Variants in ARHGAP12 observed in about 807,000 individuals in gnomAD.
ARHGAP12 encodes the protein Rho GTPase activating protein 12, also known as rho GTPase-activating protein 12.
A neutral mutation model predicts 108.6 loss-of-function variants in ARHGAP12; 64 were observed. That is an observed-to-expected ratio of 0.59 (90% CI 0.48 to 0.73). The LOEUF is 0.73. ARHGAP12 is among the 30% of genes least tolerant of loss of function. ARHGAP12 has a pLI of 0.00. For synonymous variants in ARHGAP12, 312 were observed against 337.2 expected, an observed-to-expected ratio of 0.93 and a Z score of 0.82; for missense variants, 940 against 1,005.9, an observed-to-expected ratio of 0.93 and a Z score of 0.89.
chr10:31,841,915 G>A (rs1399580752), intron 7 of ARHGAP12, among the ~76,000 whole-genome samples: 2 of 151,976 alleles, frequency 1.3e-5, no homozygotes, highest in African/African-American at 4.8e-5. Flanking sequence ...AGAAACTTAT[G>A]CATCTGTTTG....
At chr10:31,826,456 C>A in intron 10 of ARHGAP12, 71 bp from the exon 11 acceptor site, 1 of 1,217,904 alleles carries the variant, frequency 8.2e-7, no homozygotes. Context: ...AAAATTAAGA[C>A]CTACTTAGCT....
At position 31,807,724 on chromosome 10, in the gene ARHGAP12, A is replaced by G; in HGVS notation, c.2475T>C (p.His825=). Reference sequence around the variant, plus strand: ...CTACAATCTGATTCTGGTACACAGTATGAACTGCTATATTACCAGTCTCTT... The same window carrying G: ...CTACAATCTGATTCTGGTACACAGTGTGAACTGCTATATTACCAGTCTCTT... ...PEKETGNIAV[H]TVYQNQIVEL... The change falls in exon 20 of 20, where the codon CAT becomes CAC. Residue 825 remains histidine, a synonymous_variant. Transcript: ENST00000344936. 1 of 1,609,732 alleles carries G rather than the reference A, an allele frequency of 6.2e-7. No homozygotes were observed. The highest frequency in any genetic ancestry group is 1.1e-5 in the South Asian group (1 of 90,080).
At chr10:31,928,127 T>C (rs1454321211) in intron 1 of ARHGAP12, among the ~76,000 whole-genome samples, 1 of 151,974 alleles carries the variant, frequency 6.6e-6, no homozygotes, top group Admixed American at 6.5e-5. Context: ...CCCACCGCGA[T>C]TAGGGAGTGG....
chr10:31,845,974 C>T (rs566275117), intron 6 of ARHGAP12, among the ~76,000 whole-genome samples: 5 of 152,148 alleles, frequency 3.3e-5, no homozygotes, highest in South Asian at 4.2e-4. Flanking sequence ...CCTTTCCTAC[C>T]GTCCTGTGGG....
rs1205432681 is a variant in ARHGAP12 at position 31,852,495 on chromosome 10, A to G, written c.1170+22T>C. The G allele has an allele frequency of 2.6e-6, 4 of 1,546,356 alleles. No individual in the cohort carries two copies. In the South Asian group the frequency reaches 4.5e-5, roughly 17 times the overall value. On this transcript the variant is annotated intron_variant, in intron 6 of 19. Transcript: ENST00000344936. ...CTTCATCTACTATTTTTAAATAGAA[A>G]TTCGGTGTCAAGGTTTATTACCTTT...
chr10:31,854,260 T>C (rs1248178324), intron 4 of ARHGAP12, 54 bp from the exon 5 acceptor site: 2 of 1,459,368 alleles, frequency 1.4e-6, no homozygotes, highest in Admixed American at 2.5e-5. Context: ...AAATATGAAT[T>C]GGTTGAAAAT....
intron 1 of ARHGAP12, among the ~76,000 whole-genome samples, chr10:31,927,206 C>G (rs1176034141): frequency 1.6e-5 from 1 of 61,758 alleles, no homozygotes; most frequent in Non-Finnish European, 3.3e-5. Flanking sequence ...TCTCAAAACC[C>G]AGCTCTGAAA....
At chr10:31,917,658 G>T (rs1839619379) in intron 1 of ARHGAP12, among the ~76,000 whole-genome samples, 1 of 152,112 alleles carries the variant, frequency 6.6e-6, no homozygotes, top group Admixed American at 6.5e-5. Context: ...GTTTTAAAAA[G>T]ATATAATCCA....
intron 15 of ARHGAP12, 102 bp from the exon 16 acceptor site, chr10:31,810,849 A>G (rs1834990134): frequency 1.2e-6 from 1 of 855,788 alleles, no homozygotes. Flanking sequence ...GCGTAACCAA[A>G]TATTGTTTAA....
At position 31,820,505 on chromosome 10, in the gene ARHGAP12, G is replaced by GA. The variant is rs775163560; in HGVS notation, c.1531-18dup. ...ACTGCCAAACTTCATTTTTGAAAAAGAAAAAAAACCTTCATGTGATACTCA... is the reference window on the plus strand; with the variant it reads ...ACTGCCAAACTTCATTTTTGAAAAAGAAAAAAAAACCTTCATGTGATACTCA... On this transcript the variant is annotated splice_polypyrimidine_tract_variant and intron_variant, in intron 11 of 19. Transcript: ENST00000344936. 406 of 1,530,466 alleles carry GA rather than the reference G, an allele frequency of 2.7e-4. No individual in the cohort carries two copies. The highest frequency in any genetic ancestry group is 3.1e-4 in the Non-Finnish European group (356 of 1,138,918). The allele number at this position is 1,530,466 out of a possible 1,614,324, so 94.8% of individuals were successfully genotyped here.
intron 15 of ARHGAP12, 132 bp downstream of exon 15, chr10:31,812,575 A>C: frequency 1.7e-6 from 1 of 580,288 alleles, no homozygotes; most frequent in Non-Finnish European, 2.9e-6. Context: ...AATGTCTTTT[A>C]ATCACTGTAC....
chr10:31,886,595 A>G (rs1838198083), intron 3 of ARHGAP12, among the ~76,000 whole-genome samples: 1 of 152,208 alleles, frequency 6.6e-6, no homozygotes, highest in Non-Finnish European at 1.5e-5. Context: ...GTATACTGAC[A>G]TCATATTCCA....
chr10:31,821,742 T>C (rs1395139419), intron 11 of ARHGAP12, among the ~76,000 whole-genome samples: 1 of 152,142 alleles, frequency 6.6e-6, no homozygotes, highest in East Asian at 1.9e-4. Context: ...TCAATGAAAA[T>C]TTTGAGATAT....
At chr10:31,816,168 CGTGTGTGTGTGTGTGTGTGTGT>C (rs201754040) in intron 13 of ARHGAP12, among the ~76,000 whole-genome samples, 1 of 136,328 alleles carries the variant, frequency 7.3e-6, no homozygotes, top group African/African-American at 2.8e-5. Flanking sequence ...AAGAAAGAAA[CGTGTGTGTGTGTGTGTGTGTGT>C]GTGTGTGTGT....
Position 31,820,485 on chromosome 10 carries a change from C to A in ARHGAP12, c.1534G>T (p.Gly512Cys). 1 of 1,574,090 alleles carries A rather than the reference C, an allele frequency of 6.4e-7. No homozygotes were observed. Among genetic ancestry groups the A allele is most frequent in the Admixed American group, 1.9e-5 (1 of 52,070 alleles). Residue 512 changes from glycine (G) to cysteine (C), a missense_variant, in exon 12 of 20, where the codon GGC becomes TGC. Coordinates refer to ENST00000344936, the MANE Select transcript of ARHGAP12 (RefSeq NM_018287.7). ...KTQGSSTSWF[G>C]SNQSKPEFTV... ...AACTCTGGTTTGGACTGATTACTGCCAAACTTCATTTTTGAAAAAGAAAAA... is the reference window on the plus strand; with the variant it reads ...AACTCTGGTTTGGACTGATTACTGCAAAACTTCATTTTTGAAAAAGAAAAA...
intron 14 of ARHGAP12, 118 bp downstream of exon 14, chr10:31,814,141 G>A (rs1034206842): frequency 3.5e-5 from 28 of 792,088 alleles, no homozygotes; most frequent in Non-Finnish European, 5.3e-5. Context: ...TTGGTTAACT[G>A]CACAGCCCTT....
intron 3 of ARHGAP12, among the ~76,000 whole-genome samples, chr10:31,895,947 G>A (rs1442931696): frequency 6.6e-6 from 1 of 152,102 alleles, no homozygotes; most frequent in Non-Finnish European, 1.5e-5. Flanking sequence ...TAGGGACATG[G>A]ATGAAGCTGG....
At chr10:31,904,094 A>T (rs1404886122) in intron 3 of ARHGAP12, among the ~76,000 whole-genome samples, 3 of 152,240 alleles carry the variant, frequency 2.0e-5, no homozygotes, top group African/African-American at 7.2e-5. Flanking sequence ...TATGAACAGC[A>T]ATTATACTTG....
intron 3 of ARHGAP12, among the ~76,000 whole-genome samples, chr10:31,898,773 G>A (rs1838807909): frequency 6.6e-6 from 1 of 152,140 alleles, no homozygotes; most frequent in South Asian, 2.1e-4. Flanking sequence ...ACACCATCTA[G>A]CCTGGGTGTG....
Sources: allele counts gnomAD v4.1 joint callset (sites outside exome capture counted in the v4.1 genomes callset), GRCh38; gene constraint gnomAD v4.1.1; transcripts MANE v1.5; gene names NCBI Gene and HGNC (gene_info 2026-07-23, HGNC 2026-07-21).